SYCP2L: variants seen among roughly 807,000 people sequenced by gnomAD.
SYCP2L encodes synaptonemal complex protein 2 like, also known as synaptonemal complex protein 2-like.
In SYCP2L, 98 loss-of-function variants were observed where a neutral mutation model predicts 125.8. The observed-to-expected ratio is 0.78, with a 90% CI of 0.66 to 0.92. The LOEUF (loss-of-function observed/expected upper bound fraction) is 0.92. Ranked by LOEUF, SYCP2L falls within the 40% of genes least tolerant of loss-of-function variation. The probability of loss-of-function intolerance (pLI) is 0.00; values close to 1 mark genes in which losing one functional copy is unlikely to be tolerated. For synonymous variants in SYCP2L, 317 were observed against 325.4 expected (o/e 0.97, Z 0.28); for missense variants, 842 against 936.4 (o/e 0.90, Z 1.32).
At chr6:10,901,176 C>T (rs16870757) in intron 6 of SYCP2L, among the ~76,000 whole-genome samples, 2,576 of 152,120 alleles carry the variant, frequency 0.017, 77 homozygotes, top group African/African-American at 0.059. Flanking sequence ...TTTATTTTAC[C>T]GGTAGTTACC....
rs1174119444 is a variant in SYCP2L, at chr6:10,956,195, C to T, written c.2116C>T (p.Leu706Phe). Residue 706 changes from leucine to phenylalanine, a missense_variant, in exon 25 of 30, where the codon CTC (leucine) becomes TTC (phenylalanine). Physicochemically the swap from Leu to Phe is conservative, Grantham distance 22. Transcript: ENST00000283141. Reference sequence around the variant, plus strand: ...AGAGAACTTGAACGGTTCTGCCATTCTCCCAACCTTTGAAAACTTCACTAA... The same window carrying T: ...AGAGAACTTGAACGGTTCTGCCATTTTCCCAACCTTTGAAAACTTCACTAA... ...VPENLNGSAILPTFENFTKKR... is the reference protein window; with the variant it reads ...VPENLNGSAIFPTFENFTKKR... 3.1e-6 allele frequency: 5 copies of T among 1,613,846 alleles called. No homozygotes were observed. The highest frequency in any genetic ancestry group is 1.7e-5 in the Admixed American group (1 of 59,998).
intron 14 of SYCP2L, among the ~76,000 whole-genome samples, chr6:10,915,726 T>C (rs1312231798): frequency 1.3e-5 from 2 of 152,208 alleles, no homozygotes; most frequent in Non-Finnish European, 2.9e-5. Flanking sequence ...GGTTAGCTAG[T>C]ATTTGTTAAG....
intron 14 of SYCP2L, among the ~76,000 whole-genome samples, 193 bp from the exon 15 acceptor site, chr6:10,924,303 T>C (rs926432071): frequency 1.3e-5 from 2 of 152,260 alleles, no homozygotes; most frequent in African/African-American, 4.8e-5. Flanking sequence ...TTGTGTTGTA[T>C]GTGTATATGT....
At chr6:10,962,419 TC>T (rs1781610884) in intron 28 of SYCP2L, among the ~76,000 whole-genome samples, 1 of 150,642 alleles carries the variant, frequency 6.6e-6, no homozygotes, top group Admixed American at 6.7e-5. Context: ...ACACACCATC[TC>T]CCTCTGTGTA....
rs34079965 is a variant in SYCP2L at position 10,942,761 on chromosome 6, CTTT to C, written c.1954+29_1954+31del. Reference sequence around the variant, plus strand: ...GGAAGACAAAGGTAAGAGAATAGTACTTTTTTTTTTTTTTTTGCAGAATAAAAT... The same window carrying C: ...GGAAGACAAAGGTAAGAGAATAGTACTTTTTTTTTTTTTGCAGAATAAAAT... On this transcript the variant is annotated intron_variant, in intron 23 of 29. Coordinates refer to ENST00000283141, the MANE Select transcript of SYCP2L (RefSeq NM_001040274.3). 3.1e-3 allele frequency: 4,336 copies of C among 1,393,378 alleles called. No individual in the cohort carries two copies. Among genetic ancestry groups the C allele is most frequent in the Admixed American group, 3.8e-3 (151 of 39,962 alleles). 86.3% of individuals were successfully genotyped at this position (1,393,378 alleles called of 1,614,324 possible).
Position 10,969,054 on chromosome 6 carries a change from T to G in SYCP2L, c.*38-4898T>G, listed in dbSNP as rs148923241. On this transcript the variant is annotated intron_variant, in intron 29 of 29. Transcript: ENST00000283141. ...CTCCCACTCAGTTGGATTCTTTGAATATTATTTTGTTCATTCTCACAGCAT... is the reference window on the plus strand; with the variant it reads ...CTCCCACTCAGTTGGATTCTTTGAAGATTATTTTGTTCATTCTCACAGCAT... Among the ~76,000 whole-genome samples, 413 of 152,314 alleles carry G rather than the reference T, an allele frequency of 2.7e-3. 1 individual carries two copies. Among genetic ancestry groups the G allele is most frequent in the African/African-American group, 9.5e-3 (395 of 41,566 alleles).
At chr6:10,928,554 C>G in intron 18 of SYCP2L, 104 bp downstream of exon 18, 2 of 1,396,924 alleles carry the variant, frequency 1.4e-6, no homozygotes, top group Non-Finnish European at 1.9e-6. Context: ...TCCTGGCCAA[C>G]CATCTGTCAA....
intron 14 of SYCP2L, among the ~76,000 whole-genome samples, chr6:10,913,893 G>A (rs1037207470): frequency 5.9e-5 from 9 of 151,448 alleles, no homozygotes; most frequent in South Asian, 4.2e-4. Flanking sequence ...GTGCAATGGC[G>A]CGATCTTGGC....
intron 18 of SYCP2L, chr6:10,929,833 TG>T (rs2113354982): frequency 6.6e-6 from 1 of 152,158 alleles, no homozygotes; most frequent in East Asian, 1.9e-4. Context: ...CCAGCTACTC[TG>T]GAGGCTGAGG....
intron 4 of SYCP2L, 97 bp downstream of exon 4, chr6:10,894,301 GA>G: frequency 1.4e-6 from 2 of 1,426,906 alleles, no homozygotes; most frequent in Non-Finnish European, 1.9e-6. Context: ...CTGTTCCTTT[GA>G]AATCCAATTT....
chr6:10,899,673 C>A (rs1780345965), intron 6 of SYCP2L, among the ~76,000 whole-genome samples: 1 of 152,160 alleles, frequency 6.6e-6, no homozygotes, highest in African/African-American at 2.4e-5. Context: ...TTTTAGTTTT[C>A]TTCTGAAAGG....
intron 21 of SYCP2L, among the ~76,000 whole-genome samples, chr6:10,939,836 A>G (rs1157575640): frequency 6.6e-6 from 1 of 152,236 alleles, no homozygotes; most frequent in East Asian, 1.9e-4. Flanking sequence ...ATAGCACAAT[A>G]AACTTTTGGG....
At chr6:10,929,545 A>G (rs1340402989) in intron 18 of SYCP2L, among the ~76,000 whole-genome samples, 2 of 152,356 alleles carry the variant, frequency 1.3e-5, no homozygotes, top group African/African-American at 4.8e-5. Flanking sequence ...ATCAAAGTAC[A>G]GTTGAATAAT....
chr6:10,891,661 G>GTTCCC, intron 2 of SYCP2L, 80 bp downstream of exon 2: 1 of 812,738 alleles, frequency 1.2e-6, no homozygotes, highest in South Asian at 2.1e-5. Context: ...GTGTGTGTGT[G>GTTCCC]TGTATGTGTA....
chr6:10,920,891 A>G (rs1361810223), intron 14 of SYCP2L, among the ~76,000 whole-genome samples: 1 of 151,762 alleles, frequency 6.6e-6, no homozygotes, highest in Non-Finnish European at 1.5e-5. Flanking sequence ...GGTTTGTTAC[A>G]TAGGTGCAGG....
At position 10,946,356 on chromosome 6, in the gene SYCP2L, A is replaced by T. The variant is rs147855851; in HGVS notation, c.1954+3610A>T. Among the ~76,000 whole-genome samples, 448 of 151,894 alleles carry T rather than the reference A, an allele frequency of 2.9e-3. 1 individual carries two copies. The highest frequency in any genetic ancestry group is 0.011 in the African/African-American group (434 of 41,294). The stretch of plus-strand genomic sequence containing the variant: ...CATAACGTGTAAATTTCTAAGCCTA[A>T]ATTTAATTTAGTGTTAATCTAGTGT... On this transcript the variant is annotated intron_variant, in intron 23 of 29. Coordinates refer to ENST00000283141, the MANE Select transcript of SYCP2L (RefSeq NM_001040274.3).
intron 1 of SYCP2L, among the ~76,000 whole-genome samples, chr6:10,888,314 C>G (rs1233858160): frequency 6.6e-6 from 1 of 151,918 alleles, no homozygotes; most frequent in African/African-American, 2.4e-5. Flanking sequence ...CCAGGATGGT[C>G]TCTGTCTCTT....
chr6:10,893,990 AG>A lies in SYCP2L; in HGVS notation c.203del (p.Arg68AsnfsTer3). On this transcript the variant is annotated frameshift_variant, in exon 3 of 30. Coordinates refer to ENST00000283141, the MANE Select transcript of SYCP2L (RefSeq NM_001040274.3). LOFTEE classifies it high-confidence loss of function. ...TCGTCTTCTATTATACCGTCTTGAC[AG>A]ATCAATAAATAAGGCAAGTTGGTTT... The part of the protein sequence containing the change: ...YNRLLLYRLD[R>X]SINKELDKNE... The A allele has an allele frequency of 6.2e-7, 1 of 1,604,940 alleles. No homozygotes were observed. The highest frequency in any genetic ancestry group is 8.5e-7 in the Non-Finnish European group (1 of 1,177,834).
Position 10,907,605 on chromosome 6 carries a change from A to T in SYCP2L, c.740A>T (p.Asp247Val). The T allele has an allele frequency of 6.2e-7, 1 of 1,613,936 alleles. No homozygotes were observed. The highest frequency in any genetic ancestry group is 8.5e-7 in the Non-Finnish European group (1 of 1,179,914). Residue 247 changes from aspartate to valine, a missense_variant, in exon 10 of 30, where the codon GAT becomes GTT. Physicochemically the swap from Asp to Val is radical, Grantham distance 152 (BLOSUM62 -3). Transcript: ENST00000283141. ...LCRLTIKKSR[D>V]ELVHKWFDDE... ...AGACTGACGATTAAAAAATCAAGGG[A>T]TGAACTTGTCCATAAATGGTTTGAT...
Sources: allele counts gnomAD v4.1 joint callset (sites outside exome capture counted in the v4.1 genomes callset), GRCh38; gene constraint gnomAD v4.1.1; transcripts MANE v1.5; gene names NCBI Gene and HGNC (gene_info 2026-07-23, HGNC 2026-07-21).